The following WIPF3 variants were observed in gnomAD, a reference collection of about 807,000 sequenced individuals.
The protein encoded by WIPF3 is WAS/WASL interacting protein family member 3.
WIPF3 carries 33 observed loss-of-function variants against 38.9 expected under a neutral mutation model. The ratio of observed to expected loss-of-function variants is 0.85; its 90% CI spans 0.64 to 1.14. The LOEUF is 1.14. Among genes scored for constraint, WIPF3 ranks in the 50% most tolerant of loss-of-function variants. The pLI is 0.00. For synonymous variants in WIPF3, 324 were observed against 269.3 expected (o/e 1.20, Z -1.99); for missense variants, 711 against 652.5 (o/e 1.09, Z -0.98).
chr7:29,873,437 A>C (rs182403682), intron 2 of WIPF3, among the ~76,000 whole-genome samples: 182 of 152,182 alleles, frequency 1.2e-3, no homozygotes, highest in Admixed American at 4.0e-3. Context: ...TTCACACAAA[A>C]ATTTTCATAC....
intron 5 of WIPF3, among the ~76,000 whole-genome samples, chr7:29,885,042 T>A (rs1336440286): frequency 6.6e-6 from 1 of 152,194 alleles, no homozygotes; most frequent in Admixed American, 6.5e-5. Flanking sequence ...AGGCCTCCTT[T>A]TATATTTGCC....
At chr7:29,893,077 CAAAAAA>C (rs3216983) in intron 7 of WIPF3, among the ~76,000 whole-genome samples, 1 of 146,290 alleles carries the variant, frequency 6.8e-6, no homozygotes, top group African/African-American at 2.5e-5. Context: ...AAACAAAAAA[CAAAAAA>C]AAAAGAGTCT....
intron 8 of WIPF3, among the ~76,000 whole-genome samples, 168 bp from the exon 9 acceptor site, chr7:29,914,325 C>T (rs1473503713): frequency 6.6e-6 from 1 of 152,196 alleles, no homozygotes; most frequent in African/African-American, 2.4e-5. Context: ...CCACCCACAG[C>T]CCCTTGGGTA....
intron 2 of WIPF3, among the ~76,000 whole-genome samples, chr7:29,872,798 CAAAAAAAAAAAA>C (rs61693654): frequency 3.9e-4 from 12 of 31,034 alleles, no homozygotes; most frequent in Non-Finnish European, 4.7e-4. Context: ...GACTCCATCT[CAAAAAAAAAAAA>C]AAAAAAAAAA....
intron 7 of WIPF3, 93 bp from the exon 8 acceptor site, chr7:29,904,193 T>C: frequency 5.6e-6 from 7 of 1,244,658 alleles, no homozygotes; most frequent in Non-Finnish European, 8.1e-6. Flanking sequence ...GGTTTCATTG[T>C]TTTAAGTGCT....
At chr7:29,879,281 CT>C in intron 4 of WIPF3, 141 bp downstream of exon 4, 1 of 1,049,618 alleles carries the variant, frequency 9.5e-7, no homozygotes, top group South Asian at 1.8e-5. Flanking sequence ...TTCTTGGGAC[CT>C]TAAGCACTAG....
chr7:29,840,750 C>T (rs1405663184), intron 2 of WIPF3, among the ~76,000 whole-genome samples: 1 of 152,100 alleles, frequency 6.6e-6, no homozygotes, highest in East Asian at 1.9e-4. Flanking sequence ...AGATTGGGCT[C>T]AACTCCAAAT....
At chr7:29,825,260 C>G (rs1784598530) in intron 1 of WIPF3, among the ~76,000 whole-genome samples, 1 of 152,124 alleles carries the variant, frequency 6.6e-6, no homozygotes, top group Non-Finnish European at 1.5e-5. Flanking sequence ...ATGGGTTGAT[C>G]AGTGCAGCAA....
chr7:29,827,254 C>T (rs548528819), intron 1 of WIPF3, among the ~76,000 whole-genome samples: 1 of 152,144 alleles, frequency 6.6e-6, no homozygotes, highest in East Asian at 1.9e-4. Flanking sequence ...AGAGTGAGAG[C>T]AGCAACTTCC....
chr7:29,885,954 G>A (rs1785867242), intron 5 of WIPF3, among the ~76,000 whole-genome samples: 1 of 151,976 alleles, frequency 6.6e-6, no homozygotes, highest in Non-Finnish European at 1.5e-5. Flanking sequence ...TTCACATACA[G>A]TTTTGTGTTC....
intron 7 of WIPF3, among the ~76,000 whole-genome samples, chr7:29,892,228 C>T (rs1477046241): frequency 1.3e-5 from 2 of 152,188 alleles, no homozygotes; most frequent in African/African-American, 4.8e-5. Flanking sequence ...GAGCCTGGCC[C>T]CCTACAGTCA....
At chr7:29,879,231 A>G in intron 4 of WIPF3, 91 bp downstream of exon 4, 1 of 1,481,470 alleles carries the variant, frequency 6.8e-7, no homozygotes, top group Non-Finnish European at 9.2e-7. Context: ...AGTAAGCAAC[A>G]TGGTTTTACT....
chr7:29,826,074 T>A (rs1185676848), intron 1 of WIPF3, among the ~76,000 whole-genome samples: 1 of 152,166 alleles, frequency 6.6e-6, no homozygotes, highest in African/African-American at 2.4e-5. Flanking sequence ...TAAATGAATC[T>A]ACATGAAAAT....
At chr7:29,911,971 CAA>C (rs1461765937) in intron 8 of WIPF3, among the ~76,000 whole-genome samples, 4 of 151,782 alleles carry the variant, frequency 2.6e-5, no homozygotes, top group Non-Finnish European at 5.9e-5. Context: ...ATATCAAAGA[CAA>C]TATAAAAAAG....
intron 7 of WIPF3, among the ~76,000 whole-genome samples, chr7:29,896,510 G>T (rs750195345): frequency 6.6e-6 from 1 of 152,156 alleles, no homozygotes; most frequent in Admixed American, 6.5e-5. Flanking sequence ...CAGCTACCTG[G>T]GAGGCTGAGG....
intron 7 of WIPF3, among the ~76,000 whole-genome samples, chr7:29,903,985 T>A (rs1463995558): frequency 6.6e-6 from 1 of 152,208 alleles, no homozygotes; most frequent in African/African-American, 2.4e-5. Flanking sequence ...CTGGTATTGC[T>A]GGGCACATTG....
intron 2 of WIPF3, among the ~76,000 whole-genome samples, chr7:29,837,691 TTACAA>T (rs1315086187): frequency 1.3e-5 from 2 of 152,134 alleles, no homozygotes; most frequent in South Asian, 2.1e-4. Context: ...ATGTGTACAC[TTACAA>T]TACATATTAA....
rs1786356105 is a variant in WIPF3 at position 29,904,623 on chromosome 7, C to T, written c.1428+261C>T. On this transcript the variant is annotated intron_variant, in intron 8 of 8. Coordinates refer to ENST00000242140, the MANE Select transcript of WIPF3 (RefSeq NM_001080529.3). ...GTTTAGCAACTCTGACATTCTGCAA[C>T]AATCATGCCAATCACTTCCCATTCT... is the stretch of plus-strand genomic sequence containing the variant. 1.9e-5 allele frequency: 8 copies of T among 422,262 alleles called. No homozygotes were observed. In the Admixed American group the frequency reaches 3.2e-4, roughly 17 times the overall value. The allele number at this position is 422,262 out of a possible 1,614,324, so 26.2% of individuals were successfully genotyped here.
chr7:29,852,024 G>C (rs1332554541), intron 2 of WIPF3, among the ~76,000 whole-genome samples: 1 of 151,450 alleles, frequency 6.6e-6, no homozygotes, highest in African/African-American at 2.4e-5. Context: ...TTTTTGAGAT[G>C]GGAGTCTTGC....
Sources: allele counts gnomAD v4.1 joint callset (sites outside exome capture counted in the v4.1 genomes callset), GRCh38; gene constraint gnomAD v4.1.1; transcripts MANE v1.5; gene names NCBI Gene and HGNC (gene_info 2026-07-23, HGNC 2026-07-21).